Variants in PCDH15 observed in about 807,000 individuals in gnomAD.
The protein encoded by PCDH15 is protocadherin-15.
Under a neutral mutation model 178.5 loss-of-function variants are expected in PCDH15, and 129 were observed. The observed-to-expected ratio is 0.72, with a 90% CI of 0.63 to 0.84. The LOEUF is 0.84. PCDH15 is among the 40% of genes least tolerant of loss of function. PCDH15 has a pLI of 0.00. For synonymous variants in PCDH15, 800 were observed against 732.0 expected, an observed-to-expected ratio of 1.09 and a Z score of -1.50; for missense variants, 2,230 against 2,099.9, an observed-to-expected ratio of 1.06 and a Z score of -1.21.
Position 53,986,981 on chromosome 10 carries a change from T to C in PCDH15, c.2868+8668A>G, listed in dbSNP as rs536433922. On this transcript the variant is annotated intron_variant, in intron 21 of 37. Coordinates refer to ENST00000644397, the MANE Select transcript of PCDH15 (RefSeq NM_001384140.1). The stretch of plus-strand genomic sequence containing the variant: ...TTTTGAAGTTGAAACCAGACATTCT[T>C]GCTCCTGAGCCCACACTTTTGAAAC... 2.6e-5 allele frequency among the ~76,000 whole-genome samples: 4 copies of C among 152,296 alleles called. No individual in the cohort carries two copies. In the East Asian group the frequency reaches 7.7e-4, roughly 29 times the overall value.
At chr10:54,413,189 C>T (rs544829099) in intron 3 of PCDH15, among the ~76,000 whole-genome samples, 13 of 146,554 alleles carry the variant, frequency 8.9e-5, no homozygotes, top group South Asian at 6.4e-4. Flanking sequence ...TCTCTCTCAA[C>T]GAATAGCAAA....
At chr10:54,264,000 G>A (rs2057503359) in intron 8 of PCDH15, among the ~76,000 whole-genome samples, 1 of 152,094 alleles carries the variant, frequency 6.6e-6, no homozygotes, top group Non-Finnish European at 1.5e-5. Context: ...GATGCTTCCA[G>A]TTCTTCAGAT....
chr10:54,079,509 G>A, intron 16 of PCDH15, 85 bp from the exon 17 acceptor site: 2 of 1,246,076 alleles, frequency 1.6e-6, no homozygotes, highest in South Asian at 2.4e-5. Context: ...AATTACTTTT[G>A]ATAGCTTTTT....
intron 26 of PCDH15, among the ~76,000 whole-genome samples, chr10:53,885,620 T>G (rs1003646403): frequency 1.3e-5 from 2 of 152,162 alleles, no homozygotes; most frequent in Admixed American, 6.5e-5. Flanking sequence ...AAGAAAATTC[T>G]ATGCAAAAAT....
chr10:54,971,125 G>C (rs937943836), intron 2 of PCDH15, among the ~76,000 whole-genome samples: 21 of 152,104 alleles, frequency 1.4e-4, no homozygotes, highest in Admixed American at 1.2e-3. Flanking sequence ...TTGTACATTA[G>C]AAGGATGTAA....
At chr10:54,977,206 ACT>A (rs1366202117) in intron 2 of PCDH15, among the ~76,000 whole-genome samples, 1 of 152,114 alleles carries the variant, frequency 6.6e-6, no homozygotes, top group Non-Finnish European at 1.5e-5. Flanking sequence ...GTAAAATGAG[ACT>A]GACACTTGCT....
chr10:55,585,625 G>A (rs1314399623), intron 2 of PCDH15, among the ~76,000 whole-genome samples: 1 of 152,048 alleles, frequency 6.6e-6, no homozygotes, highest in Non-Finnish European at 1.5e-5. Flanking sequence ...GCATTGAGCC[G>A]AGATGGCGCC....
intron 3 of PCDH15, among the ~76,000 whole-genome samples, chr10:54,521,913 C>A (rs1056832777): frequency 4.6e-5 from 7 of 151,726 alleles, no homozygotes; most frequent in Non-Finnish European, 1.0e-4. Context: ...CACGGTGGAA[C>A]CCCATCTCTA....
intron 2 of PCDH15, among the ~76,000 whole-genome samples, chr10:54,574,845 G>A (rs1157171295): frequency 9.1e-5 from 13 of 143,448 alleles, no homozygotes; most frequent in Admixed American, 1.4e-4. Context: ...AAAGACACAT[G>A]CACACGTATG....
At chr10:55,477,487 G>T (rs1840085435) in intron 2 of PCDH15, among the ~76,000 whole-genome samples, 1 of 151,924 alleles carries the variant, frequency 6.6e-6, no homozygotes, top group African/African-American at 2.4e-5. Flanking sequence ...AGTGACTTAA[G>T]GATATAGCCT....
intron 2 of PCDH15, among the ~76,000 whole-genome samples, chr10:55,144,640 C>A (rs1838452028): frequency 6.6e-6 from 1 of 151,976 alleles, no homozygotes; most frequent in South Asian, 2.1e-4. Context: ...GACCATAAGA[C>A]CAACTGATAT....
chr10:53,909,076 C>T lies in PCDH15; in HGVS notation c.3374-5706G>A, dbSNP rs117105092. On this transcript the variant is annotated intron_variant, in intron 25 of 37. Coordinates refer to ENST00000644397, the MANE Select transcript of PCDH15 (RefSeq NM_001384140.1). ...ATCTCATCTTGAACTATAATCCTCA[C>T]GTATCGACGGAAGAACCTGGTGGGA... is the stretch of plus-strand genomic sequence containing the variant. Among the ~76,000 whole-genome samples, 10 of 152,252 alleles carry T rather than the reference C, an allele frequency of 6.6e-5. No individual in the cohort carries two copies. In the East Asian group the frequency reaches 1.4e-3, roughly 21 times the overall value.
chr10:54,054,441 T>C (rs370344991), intron 18 of PCDH15, among the ~76,000 whole-genome samples: 2 of 152,004 alleles, frequency 1.3e-5, no homozygotes, highest in African/African-American at 4.8e-5. Context: ...CCTATAGCAA[T>C]AGAGCAGTAA....
chr10:54,499,072 T>C (rs190516112), intron 3 of PCDH15, among the ~76,000 whole-genome samples: 1 of 152,224 alleles, frequency 6.6e-6, no homozygotes, highest in East Asian at 1.9e-4. Flanking sequence ...ATATTGGGGA[T>C]TACAATTCAA....
intron 8 of PCDH15, among the ~76,000 whole-genome samples, chr10:54,267,606 CA>C (rs2057777381): frequency 6.6e-6 from 1 of 151,740 alleles, no homozygotes; most frequent in African/African-American, 2.4e-5. Flanking sequence ...ATACAAAAAG[CA>C]GTAGTATTTC....
chr10:54,966,570 C>G (rs898883134), intron 2 of PCDH15, among the ~76,000 whole-genome samples: 2 of 152,034 alleles, frequency 1.3e-5, no homozygotes, highest in Admixed American at 6.6e-5. Flanking sequence ...TGGCTGTGTA[C>G]CCACCCAAAT....
chr10:54,040,378 C>A (rs1026486625), intron 18 of PCDH15, among the ~76,000 whole-genome samples: 2 of 151,930 alleles, frequency 1.3e-5, no homozygotes, highest in Non-Finnish European at 2.9e-5. Context: ...CTTTGCTTGG[C>A]TCTCATTCTC....
chr10:54,588,923 A>G (rs773288993), intron 2 of PCDH15, among the ~76,000 whole-genome samples: 54 of 152,112 alleles, frequency 3.6e-4, no homozygotes, highest in Non-Finnish European at 5.6e-4. Flanking sequence ...TAGCTAGTGG[A>G]AAAAAATGGT....
At chr10:54,191,370 C>T (rs1449743421) in intron 11 of PCDH15, among the ~76,000 whole-genome samples, 1 of 152,158 alleles carries the variant, frequency 6.6e-6, no homozygotes, top group East Asian at 1.9e-4. Context: ...GAGCTCTAAA[C>T]ACTGAGTATA....
Sources: allele counts gnomAD v4.1 joint callset (sites outside exome capture counted in the v4.1 genomes callset), GRCh38; gene constraint gnomAD v4.1.1; transcripts MANE v1.5; gene names NCBI Gene and HGNC (gene_info 2026-07-23, HGNC 2026-07-21).